RALYL: variants seen among roughly 807,000 people sequenced by gnomAD.
The protein encoded by RALYL is RNA-binding Raly-like protein.
Under a neutral mutation model 35.1 loss-of-function variants are expected in RALYL, and 29 were observed. The ratio of observed to expected loss-of-function variants is 0.83; its 90% CI spans 0.61 to 1.13. The LOEUF is 1.13. RALYL is among the 50% of genes most tolerant of loss of function. The pLI is 0.00. For missense variants in RALYL, 359 were observed against 360.4 expected (o/e 1.00, Z 0.03); for synonymous variants, 120 against 127.6 (o/e 0.94, Z 0.40).
At chr8:84,507,843 T>C (rs1176385218) in intron 1 of RALYL, among the ~76,000 whole-genome samples, 1 of 152,178 alleles carries the variant, frequency 6.6e-6, no homozygotes, top group Non-Finnish European at 1.5e-5. Flanking sequence ...ATTTCACAAT[T>C]AGCTGAAAGA....
chr8:84,294,284 AC>A (rs1839340521), intron 1 of RALYL, among the ~76,000 whole-genome samples: 1 of 152,170 alleles, frequency 6.6e-6, no homozygotes, highest in Non-Finnish European at 1.5e-5. Context: ...GTACATGATA[AC>A]TAGATGTGGA....
intron 7 of RALYL, among the ~76,000 whole-genome samples, chr8:84,876,979 C>CTT (rs1455966263): frequency 2.0e-5 from 3 of 152,150 alleles, no homozygotes; most frequent in East Asian, 3.9e-4. Context: ...ATGGCATGCA[C>CTT]TTTTCAGTTT....
chr8:84,689,400 T>A (rs1242078443), intron 2 of RALYL, among the ~76,000 whole-genome samples: 1 of 152,158 alleles, frequency 6.6e-6, no homozygotes, highest in Non-Finnish European at 1.5e-5. Context: ...CCTACAAAGG[T>A]CATGAACTCA....
At chr8:84,386,196 T>G (rs1209234108) in intron 1 of RALYL, among the ~76,000 whole-genome samples, 2 of 151,842 alleles carry the variant, frequency 1.3e-5, no homozygotes, top group East Asian at 3.9e-4. Flanking sequence ...ATTGCCACTC[T>G]GGGAGCTTCA....
chr8:84,582,821 T>C (rs534848351), intron 2 of RALYL, among the ~76,000 whole-genome samples: 1 of 152,172 alleles, frequency 6.6e-6, no homozygotes, highest in East Asian at 1.9e-4. Context: ...ATAAGGTCAA[T>C]TACCTACAAA....
chr8:84,759,333 T>G (rs949520707), intron 2 of RALYL, among the ~76,000 whole-genome samples: 1 of 152,188 alleles, frequency 6.6e-6, no homozygotes, highest in Admixed American at 6.6e-5. Flanking sequence ...TTTTTAAACC[T>G]CTACAGTAAT....
intron 2 of RALYL, among the ~76,000 whole-genome samples, chr8:84,726,429 A>C (rs1844971011): frequency 6.6e-6 from 1 of 150,792 alleles, no homozygotes; most frequent in Admixed American, 6.7e-5. Context: ...ACTACCTAGC[A>C]GTTCACTTGA....
intron 3 of RALYL, among the ~76,000 whole-genome samples, chr8:84,784,355 C>T (rs1188699807): frequency 6.6e-6 from 1 of 151,626 alleles, no homozygotes; most frequent in Non-Finnish European, 1.5e-5. Context: ...TGTAGATGGA[C>T]GTGATTAATG....
At position 84,212,718 on chromosome 8, in the gene RALYL, A is replaced by G. The variant is rs146240425; in HGVS notation, c.-24+28294A>G. Among the ~76,000 whole-genome samples, 1,059 of 152,208 alleles carry G rather than the reference A, an allele frequency of 7.0e-3. 6 individuals are homozygous for G. The highest frequency in any genetic ancestry group is 0.014 in the Admixed American group (220 of 15,278). ...TTTCCATTGAAAAACAAGACTGATA[A>G]TTTCAATATTTCCCTAAAAATATGC... On this transcript the variant is annotated intron_variant, in intron 1 of 8. Transcript: ENST00000521268.
chr8:84,782,010 G>A (rs189197757), intron 3 of RALYL, among the ~76,000 whole-genome samples: 22 of 145,214 alleles, frequency 1.5e-4, no homozygotes, highest in Admixed American at 4.9e-4. Flanking sequence ...TAGACAATAC[G>A]TGCATGCTGT....
chr8:84,902,056 C>T (rs531604917), intron 8 of RALYL, among the ~76,000 whole-genome samples: 33 of 152,254 alleles, frequency 2.2e-4, no homozygotes, highest in African/African-American at 7.9e-4. Context: ...GGTTATTTGA[C>T]TCACAATCTT....
intron 1 of RALYL, among the ~76,000 whole-genome samples, chr8:84,375,016 T>G (rs1856637655): frequency 6.6e-6 from 1 of 151,868 alleles, no homozygotes; most frequent in Non-Finnish European, 1.5e-5. Context: ...CATTGATTCC[T>G]TTTTTGAAAA....
At chr8:84,528,621 T>G (rs1454936184) in intron 1 of RALYL, among the ~76,000 whole-genome samples, 1 of 152,120 alleles carries the variant, frequency 6.6e-6, no homozygotes, top group African/African-American at 2.4e-5. Context: ...CTGGCTCTTA[T>G]GTTTTGTTTT....
At chr8:84,696,990 C>A (rs943457688) in intron 2 of RALYL, among the ~76,000 whole-genome samples, 2 of 152,002 alleles carry the variant, frequency 1.3e-5, no homozygotes, top group Admixed American at 1.3e-4. Context: ...AAAATTCATT[C>A]TATTCAACTC....
At chr8:84,478,763 G>C (rs2053692802) in intron 1 of RALYL, among the ~76,000 whole-genome samples, 1 of 151,784 alleles carries the variant, frequency 6.6e-6, no homozygotes, top group Admixed American at 6.6e-5. Context: ...GCTGTCTTCA[G>C]ATATTCTCTT....
intron 8 of RALYL, among the ~76,000 whole-genome samples, chr8:84,916,039 T>G (rs985791333): frequency 6.6e-5 from 10 of 152,112 alleles, no homozygotes; most frequent in African/African-American, 1.7e-4. Context: ...CTGTATATGG[T>G]ATGCTAAGAT....
At position 84,389,163 on chromosome 8, in the gene RALYL, C is replaced by T. The variant is rs961799193; in HGVS notation, c.-23-140136C>T. On this transcript the variant is annotated intron_variant, in intron 1 of 8. Transcript: ENST00000521268. ...AGATCAGATAGTTGTAGATATACGG[C>T]GTTATTTCTGAGGGCTCTGTTCTGT... is the stretch of plus-strand genomic sequence containing the variant. 2.6e-4 allele frequency among the ~76,000 whole-genome samples: 39 copies of T among 152,036 alleles called. No homozygotes were observed. In the East Asian group the frequency reaches 4.3e-3, roughly 17 times the overall value.
In RALYL at chr8:84,469,574, C is replaced by T. The variant is rs1308017812; in HGVS notation, c.-23-59725C>T. ...TGTCAGACAGGGACATTTAAGTCTG[C>T]AGAGGTTACTGCTGTCTTTTTGTTT... On this transcript the variant is annotated intron_variant, in intron 1 of 8. Transcript: ENST00000521268. 2.0e-5 allele frequency among the ~76,000 whole-genome samples: 3 copies of T among 152,328 alleles called. No homozygotes were observed. In the East Asian group the frequency reaches 5.8e-4, roughly 29 times the overall value.
chr8:84,614,631 G>C (rs1286452115), intron 2 of RALYL, among the ~76,000 whole-genome samples: 4 of 151,430 alleles, frequency 2.6e-5, no homozygotes, highest in Non-Finnish European at 5.9e-5. Flanking sequence ...TGTAGTTTTT[G>C]CCCTATTTTT....
Sources: allele counts gnomAD v4.1 joint callset (sites outside exome capture counted in the v4.1 genomes callset), GRCh38; gene constraint gnomAD v4.1.1; transcripts MANE v1.5; gene names NCBI Gene and HGNC (gene_info 2026-07-23, HGNC 2026-07-21).